Variants in KLHL32 observed in about 807,000 individuals in gnomAD.
KLHL32 encodes the protein kelch-like protein 32.
Under a neutral mutation model 64.8 loss-of-function variants are expected in KLHL32, and 35 were observed. The ratio of observed to expected loss-of-function variants is 0.54; its 90% CI spans 0.41 to 0.72. KLHL32 has a LOEUF of 0.72. KLHL32 is among the 30% of genes least tolerant of loss of function. The pLI is 0.00. For synonymous variants in KLHL32, 259 were observed against 281.0 expected (o/e 0.92, Z 0.78); for missense variants, 589 against 768.5 (o/e 0.77, Z 2.76).
chr6:97,016,046 C>A (rs1781143221), intron 3 of KLHL32, among the ~76,000 whole-genome samples: 1 of 152,192 alleles, frequency 6.6e-6, no homozygotes, highest in South Asian at 2.1e-4. Flanking sequence ...TATGGAAATA[C>A]CTGCATGTCC....
chr6:96,968,564 T>A (rs1774748048), intron 2 of KLHL32, among the ~76,000 whole-genome samples: 1 of 152,136 alleles, frequency 6.6e-6, no homozygotes, highest in African/African-American at 2.4e-5. Context: ...TTAAAATAAT[T>A]TTTTACTTTT....
At chr6:97,044,418 TGAG>T (rs910499075) in intron 4 of KLHL32, among the ~76,000 whole-genome samples, 6 of 152,120 alleles carry the variant, frequency 3.9e-5, no homozygotes, top group African/African-American at 1.4e-4. Context: ...AGTATTTTCT[TGAG>T]GAGTTTTGCA....
chr6:97,058,575 G>C (rs1164793733), intron 4 of KLHL32, among the ~76,000 whole-genome samples: 1 of 152,124 alleles, frequency 6.6e-6, no homozygotes, highest in Non-Finnish European at 1.5e-5. Context: ...TAATTTCCCA[G>C]GCTCTTTTAC....
At chr6:97,009,330 GTTTCT>G (rs1255074098) in intron 3 of KLHL32, among the ~76,000 whole-genome samples, 1 of 151,952 alleles carries the variant, frequency 6.6e-6, no homozygotes, top group Non-Finnish European at 1.5e-5. Context: ...AAATTTAAAT[GTTTCT>G]TTTATTTTGA....
chr6:97,042,729 C>T (rs1785317436), intron 4 of KLHL32, among the ~76,000 whole-genome samples: 1 of 152,170 alleles, frequency 6.6e-6, no homozygotes, highest in African/African-American at 2.4e-5. Flanking sequence ...TAGATCACTA[C>T]AGCTTATTCC....
intron 2 of KLHL32, 108 bp from the exon 3 acceptor site, chr6:96,975,889 G>T (rs1775634564): frequency 2.8e-6 from 2 of 716,128 alleles, no homozygotes; most frequent in Admixed American, 3.3e-5. Flanking sequence ...CACTCATAGA[G>T]TGCACTGGAA....
At chr6:97,047,922 G>A (rs2128133354) in intron 4 of KLHL32, among the ~76,000 whole-genome samples, 2 of 152,234 alleles carry the variant, frequency 1.3e-5, no homozygotes, top group Non-Finnish European at 2.9e-5. Flanking sequence ...AGTACCTTAG[G>A]ACCGAAATGG....
At chr6:97,133,933 T>G (rs1799706587) in intron 10 of KLHL32, among the ~76,000 whole-genome samples, 1 of 152,088 alleles carries the variant, frequency 6.6e-6, no homozygotes, top group Admixed American at 6.6e-5. Flanking sequence ...TTAAGAAAAC[T>G]TTAGTTAAAA....
At chr6:97,041,670 G>A in intron 4 of KLHL32, 71 bp downstream of exon 4, 1 of 871,860 alleles carries the variant, frequency 1.1e-6, no homozygotes. Context: ...TTATCCTTGA[G>A]GTATGAGATT....
At chr6:97,005,562 G>A (rs192178092) in intron 3 of KLHL32, among the ~76,000 whole-genome samples, 168 of 151,968 alleles carry the variant, frequency 1.1e-3, no homozygotes, top group African/African-American at 3.8e-3. Context: ...TTTCTTCTAG[G>A]TGTGATATTA....
chr6:96,954,699 T>G (rs942191009), intron 1 of KLHL32, among the ~76,000 whole-genome samples: 3 of 152,176 alleles, frequency 2.0e-5, no homozygotes, highest in African/African-American at 7.2e-5. Context: ...CTACTGAACG[T>G]GGCATTCCCC....
At chr6:97,076,822 C>T (rs1355774617) in intron 5 of KLHL32, among the ~76,000 whole-genome samples, 1 of 151,816 alleles carries the variant, frequency 6.6e-6, no homozygotes, top group African/African-American at 2.4e-5. Flanking sequence ...AGGCACGTAC[C>T]TTTATTTAAA....
intron 8 of KLHL32, among the ~76,000 whole-genome samples, chr6:97,130,008 T>C (rs1000037189): frequency 1.3e-5 from 2 of 152,198 alleles, no homozygotes; most frequent in African/African-American, 4.8e-5. Context: ...AGGAGGCTGA[T>C]AAAAGGAAAT....
chr6:97,043,524 TG>T (rs1196596757), intron 4 of KLHL32, among the ~76,000 whole-genome samples: 4 of 152,196 alleles, frequency 2.6e-5, no homozygotes, highest in African/African-American at 9.6e-5. Flanking sequence ...GCAGTGAACA[TG>T]GGTAGGCAGA....
At chr6:97,059,937 G>A (rs1456881052) in intron 4 of KLHL32, among the ~76,000 whole-genome samples, 1 of 152,130 alleles carries the variant, frequency 6.6e-6, no homozygotes, top group Non-Finnish European at 1.5e-5. Context: ...CTATAAAGAA[G>A]GGAGGAAATG....
At chr6:97,136,982 G>C (rs571647649) in intron 10 of KLHL32, among the ~76,000 whole-genome samples, 58 of 152,252 alleles carry the variant, frequency 3.8e-4, no homozygotes, top group South Asian at 2.5e-3. Flanking sequence ...ACCACTTGCC[G>C]TGTGACCCTG....
chr6:97,120,812 A>G (rs768487003), intron 7 of KLHL32, among the ~76,000 whole-genome samples: 60 of 152,214 alleles, frequency 3.9e-4, no homozygotes, highest in Non-Finnish European at 2.8e-4. Context: ...TAGAATGTCC[A>G]TGAAGAATTA....
chr6:97,026,163 G>A (rs568203922), intron 3 of KLHL32, among the ~76,000 whole-genome samples: 144 of 152,156 alleles, frequency 9.5e-4, no homozygotes, highest in African/African-American at 3.4e-3. Context: ...GTGTTTGAAA[G>A]CTTGTGGATG....
intron 1 of KLHL32, among the ~76,000 whole-genome samples, chr6:96,948,406 GA>G (rs545100235): frequency 8.4e-4 from 128 of 151,880 alleles, no homozygotes; most frequent in African/African-American, 3.0e-3. Flanking sequence ...ATAATGTGGA[GA>G]AAAAAAATTC....
Sources: gnomAD v4.1 joint callset for allele counts (sites outside exome capture counted in the v4.1 genomes callset) on GRCh38, gnomAD v4.1.1 for gene constraint, MANE v1.5 for transcripts, NCBI Gene and HGNC (gene_info 2026-07-23, HGNC 2026-07-21) for gene names.